FXN: variants seen among roughly 807,000 people sequenced by gnomAD.
FXN encodes the protein frataxin.
Under a neutral mutation model 22.4 loss-of-function variants are expected in FXN, and 14 were observed. That is an observed-to-expected ratio of 0.62 (90% CI 0.41 to 0.98). The LOEUF (loss-of-function observed/expected upper bound fraction) is 0.98, where lower values mean the gene tolerates loss of function less well. FXN is among the 50% of genes least tolerant of loss of function. The pLI is 0.00. For missense variants in FXN, 267 were observed against 268.4 expected (o/e 0.99, Z 0.04); for synonymous variants, 120 against 114.1 (o/e 1.05, Z -0.33).
rs1587834965 is a variant in FXN at position 69,077,156 on chromosome 9, C to T, written c.*4394C>T. The T allele has an allele frequency of 1.3e-6, 1 of 780,676 alleles. No homozygotes were observed. Among genetic ancestry groups the T allele is most frequent in the Non-Finnish European group, 1.6e-6 (1 of 643,344 alleles). 48.4% of individuals were successfully genotyped at this position (780,676 alleles called of 1,614,324 possible). On this transcript the variant is annotated 3_prime_UTR_variant, in exon 5 of 5. Transcript: ENST00000484259. ...CTTGAACTCCTGACCTAGTAATCCACCTGCCTCCGCCTCCCAAAGTGCTGG... is the reference window on the plus strand; with the variant it reads ...CTTGAACTCCTGACCTAGTAATCCATCTGCCTCCGCCTCCCAAAGTGCTGG...
chr9:69,066,602 G>A (rs1832168897), intron 4 of FXN, among the ~76,000 whole-genome samples: 1 of 152,154 alleles, frequency 6.6e-6, no homozygotes, highest in African/African-American at 2.4e-5. Flanking sequence ...GCTTGAGCCT[G>A]TGTGTTCTTA....
At chr9:69,036,070 C>A in intron 1 of FXN, 123 bp downstream of exon 1, 1 of 872,800 alleles carries the variant, frequency 1.1e-6, no homozygotes, top group Non-Finnish European at 1.5e-6. Flanking sequence ...CTAGCTCACC[C>A]CGCTCCTTCT....
At chr9:69,047,786 C>G (rs560664080) in intron 2 of FXN, among the ~76,000 whole-genome samples, 1 of 152,104 alleles carries the variant, frequency 6.6e-6, no homozygotes, top group Non-Finnish European at 1.5e-5. Context: ...GGTGCGATCT[C>G]GGCTCACTGC....
At chr9:69,057,816 C>A (rs933727386) in intron 3 of FXN, among the ~76,000 whole-genome samples, 17 of 151,980 alleles carry the variant, frequency 1.1e-4, no homozygotes, top group Non-Finnish European at 2.4e-4. Flanking sequence ...CTCCCTTGCC[C>A]AGCACTCTGA....
chr9:69,062,230 G>C (rs1201397492), intron 3 of FXN, among the ~76,000 whole-genome samples: 1 of 152,156 alleles, frequency 6.6e-6, no homozygotes, highest in African/African-American at 2.4e-5. Flanking sequence ...TCCCACCTCA[G>C]CCTACCAAGT....
chr9:69,065,423 C>T (rs1832151426), intron 4 of FXN, among the ~76,000 whole-genome samples: 1 of 151,898 alleles, frequency 6.6e-6, no homozygotes, highest in African/African-American at 2.4e-5. Flanking sequence ...CGCCTATAGT[C>T]CCAACTACTT....
chr9:69,037,604 T>C (rs1022006255), intron 1 of FXN, among the ~76,000 whole-genome samples: 5 of 152,236 alleles, frequency 3.3e-5, no homozygotes, highest in African/African-American at 1.2e-4. Flanking sequence ...CTGTGCACTA[T>C]CTGAGCTGCC....
chr9:69,056,741 T>C (rs1237364525), intron 3 of FXN, among the ~76,000 whole-genome samples: 1 of 142,336 alleles, frequency 7.0e-6, no homozygotes, highest in Non-Finnish European at 1.5e-5. Context: ...GAAGTGAGTC[T>C]TTTTTTTTTT....
At position 69,035,880 on chromosome 9, in the gene FXN, TG is replaced by T. The variant is rs138837292; in HGVS notation, c.100del (p.Ala34ProfsTer42). ...TLTRVPRPAE[L>X]APLCGRRGLR... ...ACCCGGGTCCCGCGGCCGGCAGAGT[TG>T]GCCCCACTCTGCGGCCGCCGTGGCC... is the stretch of plus-strand genomic sequence containing the variant. On this transcript the variant is annotated frameshift_variant, in exon 1 of 5. Transcript: ENST00000484259. LOFTEE classifies it high-confidence loss of function. 1 of 1,494,008 alleles carries T rather than the reference TG, an allele frequency of 6.7e-7. No individual in the cohort carries two copies. The allele number at this position is 1,494,008 out of a possible 1,614,324, so 92.5% of individuals were successfully genotyped here.
chr9:69,074,293 T>C lies in FXN; in HGVS notation c.*1531T>C. ...CATTTTAATTTTTACTGACCTGCAC[T>C]TTATACAAAGCAACAAGCCTCCAGG... On this transcript the variant is annotated 3_prime_UTR_variant, in exon 5 of 5. Transcript: ENST00000484259. The C allele has an allele frequency of 3.0e-6, 3 of 985,272 alleles. No homozygotes were observed. The highest frequency in any genetic ancestry group is 3.6e-6 in the Non-Finnish European group (3 of 829,774). 61.0% of individuals were successfully genotyped at this position (985,272 alleles called of 1,614,324 possible).
In FXN at chr9:69,073,464, A is replaced by G. The variant is rs1302663240; in HGVS notation, c.*702A>G. On this transcript the variant is annotated 3_prime_UTR_variant, in exon 5 of 5. Transcript: ENST00000484259. ...GGAATCAGCTGCTACAAGAATGCAAAAAATCTTCCAAAGACAAGAAAAGAG... is the reference window on the plus strand; with the variant it reads ...GGAATCAGCTGCTACAAGAATGCAAGAAATCTTCCAAAGACAAGAAAAGAG... 1.0e-5 allele frequency: 10 copies of G among 985,488 alleles called. No homozygotes were observed. The highest frequency in any genetic ancestry group is 1.2e-5 in the Non-Finnish European group (10 of 829,984). 61.0% of individuals were successfully genotyped at this position (985,488 alleles called of 1,614,324 possible). A position where few individuals can be genotyped will look rare whatever the true frequency, so the allele number is the denominator to read the frequency against.
intron 3 of FXN, among the ~76,000 whole-genome samples, chr9:69,062,893 TA>T (rs78305955): frequency 0.096 from 13,683 of 142,236 alleles, 887 homozygotes; most frequent in African/African-American, 0.2. Flanking sequence ...ATAGTAAAAT[TA>T]AAAAAAAAAA....
rs995690945 is a variant in FXN, at chr9:69,035,928, C to G, written c.146C>G (p.Thr49Ser). The change falls in exon 1 of 5, where the codon ACC becomes AGC. Residue 49 changes from threonine (T) to serine (S), a missense_variant. By Grantham distance (58) the Thr-to-Ser change is moderately conservative. Coordinates refer to ENST00000484259, the MANE Select transcript of FXN (RefSeq NM_000144.5). ...RRGLRTDIDA[T>S]CTPRRASSNQ... ...GGCCTGCGCACCGACATCGATGCGACCTGCACGCCCCGCCGCGCAGTAAGT... is the reference window on the plus strand; with the variant it reads ...GGCCTGCGCACCGACATCGATGCGAGCTGCACGCCCCGCCGCGCAGTAAGT... The G allele has an allele frequency of 6.8e-7, 1 of 1,475,106 alleles. No individual in the cohort carries two copies. The highest frequency in any genetic ancestry group is 8.9e-7 in the Non-Finnish European group (1 of 1,119,074). 91.4% of individuals were successfully genotyped at this position (1,475,106 alleles called of 1,614,324 possible).
At position 69,078,656 on chromosome 9, in the gene FXN, A is replaced by G; in HGVS notation, c.*5894A>G. Reference sequence around the variant, plus strand: ...CAACACTTTGACTCCAGCAATCCCAAATCCCCAGATCCCTAAGTGTGCTGT... The same window carrying G: ...CAACACTTTGACTCCAGCAATCCCAGATCCCCAGATCCCTAAGTGTGCTGT... On this transcript the variant is annotated 3_prime_UTR_variant, in exon 5 of 5. Coordinates refer to ENST00000484259, the MANE Select transcript of FXN (RefSeq NM_000144.5). 1.0e-6 allele frequency: 1 copy of G among 981,462 alleles called. No homozygotes were observed. The highest frequency in any genetic ancestry group is 1.8e-5 in the African/African-American group (1 of 55,418). 60.8% of individuals were successfully genotyped at this position (981,462 alleles called of 1,614,324 possible).
rs1197222470 is a variant in FXN at position 69,057,950 on chromosome 9, TG to T, written c.384+4692del. On this transcript the variant is annotated intron_variant, in intron 3 of 4. Coordinates refer to ENST00000484259, the MANE Select transcript of FXN (RefSeq NM_000144.5). ...CTGTCCATTCTTTGATCCCAGTGTC[TG>T]GAACAGTGCCAAGTACATAGTAGGG... Among the ~76,000 whole-genome samples, 6 of 152,326 alleles carry T rather than the reference TG, an allele frequency of 3.9e-5. No individual in the cohort carries two copies. The East Asian group carries it at 1.2e-3, about 29-fold the overall frequency.
At chr9:69,070,228 C>CAA (rs563872382) in intron 4 of FXN, among the ~76,000 whole-genome samples, 3 of 112,268 alleles carry the variant, frequency 2.7e-5, no homozygotes, top group Non-Finnish European at 5.6e-5. Flanking sequence ...GACCCCATCT[C>CAA]AAAAAAAAAA....
intron 4 of FXN, among the ~76,000 whole-genome samples, chr9:69,069,341 G>A (rs1832230355): frequency 6.6e-6 from 1 of 152,110 alleles, no homozygotes; most frequent in Admixed American, 6.5e-5. Flanking sequence ...CTCCATCCTG[G>A]GCGACAGAGT....
At chr9:69,040,662 C>T (rs1263013939) in intron 1 of FXN, among the ~76,000 whole-genome samples, 1 of 151,860 alleles carries the variant, frequency 6.6e-6, no homozygotes, top group East Asian at 1.9e-4. Context: ...AGCGAGACTG[C>T]ATCTCAAAGA....
intron 1 of FXN, among the ~76,000 whole-genome samples, chr9:69,038,470 A>G (rs1831601432): frequency 6.6e-6 from 1 of 152,240 alleles, no homozygotes; most frequent in Admixed American, 6.5e-5. Context: ...TTTCAACAAT[A>G]TATTTATTCA....
Sources: gnomAD v4.1 joint callset for allele counts (sites outside exome capture counted in the v4.1 genomes callset) on GRCh38, gnomAD v4.1.1 for gene constraint, MANE v1.5 for transcripts, NCBI Gene and HGNC (gene_info 2026-07-23, HGNC 2026-07-21) for gene names.